KLHL2: variants seen among roughly 807,000 people sequenced by gnomAD.
KLHL2 encodes the protein kelch like family member 2.
KLHL2 carries 15 observed loss-of-function variants against 75.8 expected under a neutral mutation model. The ratio of observed to expected loss-of-function variants is 0.20; its 90% CI spans 0.13 to 0.30. The LOEUF (loss-of-function observed/expected upper bound fraction) is 0.30, where lower values mean the gene tolerates loss of function less well. Among genes scored for constraint, KLHL2 ranks in the 10% least tolerant of loss-of-function variants. The pLI is 1.00. For missense variants in KLHL2, 381 were observed against 741.0 expected (o/e 0.51, Z 5.64); for synonymous variants, 214 against 251.9 (o/e 0.85, Z 1.42).
chr4:165,283,529 A>G (rs532717118), intron 5 of KLHL2, among the ~76,000 whole-genome samples: 13 of 152,370 alleles, frequency 8.5e-5, no homozygotes, highest in African/African-American at 2.4e-4. Flanking sequence ...CTTTGACTGC[A>G]TGTCTCACAT....
At chr4:165,229,553 T>C (rs574935525) in intron 3 of KLHL2, among the ~76,000 whole-genome samples, 102 of 152,328 alleles carry the variant, frequency 6.7e-4, no homozygotes, top group African/African-American at 2.3e-3. Flanking sequence ...AATAGAAATG[T>C]AGTTATACCA....
intron 2 of KLHL2, among the ~76,000 whole-genome samples, chr4:165,222,856 C>T (rs17585396): frequency 0.2 from 30,633 of 152,118 alleles, 3,770 homozygotes; most frequent in Non-Finnish European, 0.29. Context: ...GGGCTCTAAC[C>T]TCAAAGTGGT....
At chr4:165,273,497 G>T (rs1742848419) in intron 5 of KLHL2, among the ~76,000 whole-genome samples, 1 of 152,322 alleles carries the variant, frequency 6.6e-6, no homozygotes, top group South Asian at 2.1e-4. Context: ...CCCATGTGTG[G>T]TGGGAAGGAC....
chr4:165,237,313 C>T (rs3914259), intron 3 of KLHL2, among the ~76,000 whole-genome samples: 56,364 of 137,854 alleles, frequency 0.41, 12,719 homozygotes, highest in African/African-American at 0.57. Context: ...AAACATTTGC[C>T]GTAGCACCAG....
chr4:165,280,265 T>A (rs1270064481), intron 5 of KLHL2, among the ~76,000 whole-genome samples: 1 of 152,226 alleles, frequency 6.6e-6, no homozygotes, highest in African/African-American at 2.4e-5. Flanking sequence ...GCTTATAATC[T>A]AACTTTATAG....
intron 5 of KLHL2, among the ~76,000 whole-genome samples, chr4:165,270,391 G>A (rs1474534289): frequency 6.6e-6 from 1 of 152,148 alleles, no homozygotes; most frequent in Non-Finnish European, 1.5e-5. Flanking sequence ...TCCTTTGAAG[G>A]AGAAGAGATG....
At chr4:165,228,453 C>T (rs1306829116) in intron 2 of KLHL2, among the ~76,000 whole-genome samples, 4 of 151,816 alleles carry the variant, frequency 2.6e-5, no homozygotes, top group African/African-American at 9.7e-5. Context: ...TCATGTCAGA[C>T]TACACCTGCC....
intron 5 of KLHL2, among the ~76,000 whole-genome samples, chr4:165,273,206 T>C (rs189440360): frequency 1.3e-5 from 2 of 152,324 alleles, no homozygotes; most frequent in Admixed American, 1.3e-4. Context: ...TGAAGTCTAA[T>C]GTACGTATAG....
At chr4:165,236,721 A>G (rs1161302085) in intron 3 of KLHL2, among the ~76,000 whole-genome samples, 2 of 152,212 alleles carry the variant, frequency 1.3e-5, no homozygotes, top group African/African-American at 2.4e-5. Context: ...TAATACAGTC[A>G]TGGGCACATT....
At chr4:165,258,395 CAAAAAAAAAA>C (rs56083222) in intron 4 of KLHL2, among the ~76,000 whole-genome samples, 2 of 105,554 alleles carry the variant, frequency 1.9e-5, no homozygotes, top group Non-Finnish European at 4.0e-5. Context: ...TTAACTATGA[CAAAAAAAAAA>C]AAAAAAAAGG....
Position 165,207,818 on chromosome 4 carries a change from T to C in KLHL2, c.-59T>C. ...GGCGGGCAGTGCCGGCGTCCGCGGC[T>C]GGAATGGTGCTGGCTGTGTTGGTCG... On this transcript the variant is annotated 5_prime_UTR_variant, in exon 1 of 15. Transcript: ENST00000226725. This position sits in a 1 kb window ranked among gnomAD's most constrained non-coding sequence, Gnocchi z 4.2. 2 of 1,399,338 alleles carry C rather than the reference T, an allele frequency of 1.4e-6. No individual in the cohort carries two copies. The highest frequency in any genetic ancestry group is 5.1e-5 in the Admixed American group (2 of 39,428). 86.7% of individuals were successfully genotyped at this position (1,399,338 alleles called of 1,614,324 possible).
In KLHL2 at chr4:165,322,288, A is replaced by C. The variant is rs2126603137; in HGVS notation, c.*228A>C. 3 of 528,326 alleles carry C rather than the reference A, an allele frequency of 5.7e-6. 1 individual carries two copies. The South Asian group carries it at 7.8e-5, about 14-fold the overall frequency. The allele number at this position is 528,326 out of a possible 1,614,324, so 32.7% of individuals were successfully genotyped here. A position where few individuals can be genotyped will look rare whatever the true frequency, so the allele number is the denominator to read the frequency against. On this transcript the variant is annotated 3_prime_UTR_variant, in exon 15 of 15. Coordinates refer to ENST00000226725, the MANE Select transcript of KLHL2 (RefSeq NM_007246.4). ...AGCAGCTGACTGAATTTTCATAAGA[A>C]ACTTGGACTGCAGGACTTAATCTGT...
intron 4 of KLHL2, among the ~76,000 whole-genome samples, chr4:165,246,667 G>A (rs1037342359): frequency 6.6e-6 from 1 of 152,182 alleles, no homozygotes; most frequent in Non-Finnish European, 1.5e-5. Flanking sequence ...CAACTGGGTG[G>A]ATTATAGTGC....
In KLHL2 at chr4:165,276,995, A is replaced by C. The variant is rs187857048; in HGVS notation, c.544+13636A>C. On this transcript the variant is annotated intron_variant, in intron 5 of 14. Coordinates refer to ENST00000226725, the MANE Select transcript of KLHL2 (RefSeq NM_007246.4). ...AGGGATAAGAAATATAGTTGAAGTC[A>C]CAATAAAGTATATTTTCTTTTATGG... Among the ~76,000 whole-genome samples the C allele has an allele frequency of 5.6e-3, 857 of 152,302 alleles. 3 individuals are homozygous for C. Among genetic ancestry groups the C allele is most frequent in the Non-Finnish European group, 9.7e-3 (663 of 68,010 alleles).
intron 4 of KLHL2, among the ~76,000 whole-genome samples, chr4:165,245,174 C>T (rs1740160041): frequency 6.6e-6 from 1 of 152,132 alleles, no homozygotes. Flanking sequence ...CACCACTGCA[C>T]TCCAGCCTGG....
At chr4:165,258,031 G>A (rs866902471) in intron 4 of KLHL2, among the ~76,000 whole-genome samples, 4 of 152,058 alleles carry the variant, frequency 2.6e-5, no homozygotes, top group East Asian at 1.9e-4. Context: ...CTCAGGGTTC[G>A]GTTGATGGAA....
intron 7 of KLHL2, 46 bp downstream of exon 7, chr4:165,297,771 C>G: frequency 9.1e-7 from 1 of 1,099,854 alleles, no homozygotes; most frequent in Non-Finnish European, 1.4e-6. Flanking sequence ...CACTGTGTCA[C>G]TGGCCTGACA....
intron 14 of KLHL2, chr4:165,321,201 G>A (rs917158718): frequency 1.1e-5 from 5 of 452,572 alleles, no homozygotes; most frequent in Non-Finnish European, 2.2e-5. Flanking sequence ...TGCACCAAGT[G>A]TGTCTGCCTC....
At chr4:165,230,227 T>A (rs1738775579) in intron 3 of KLHL2, among the ~76,000 whole-genome samples, 1 of 152,224 alleles carries the variant, frequency 6.6e-6, no homozygotes. Flanking sequence ...TGTGTTGGGC[T>A]ACTTTAGGAA....
Sources: allele counts gnomAD v4.1 joint callset (sites outside exome capture counted in the v4.1 genomes callset), GRCh38; gene constraint gnomAD v4.1.1; non-coding constraint Gnocchi (gnomAD v3.1); transcripts MANE v1.5; gene names NCBI Gene and HGNC (gene_info 2026-07-23, HGNC 2026-07-21).